COL21A1: variants seen among roughly 807,000 people sequenced by gnomAD.
COL21A1 encodes the protein collagen alpha-1(XXI) chain.
COL21A1 carries 149 observed loss-of-function variants against 137.9 expected under a neutral mutation model. The observed-to-expected ratio is 1.08, with a 90% CI of 0.95 to 1.24. The LOEUF is 1.24. Ranked by LOEUF, COL21A1 falls within the 50% of genes most tolerant of loss-of-function variation. The pLI, the probability that COL21A1 is intolerant of heterozygous loss-of-function variation, is 0.00. For missense variants in COL21A1, 1,167 were observed against 1,158.4 expected (o/e 1.01, Z -0.11); for synonymous variants, 456 against 391.5 (o/e 1.16, Z -1.95).
intron 1 of COL21A1, among the ~76,000 whole-genome samples, chr6:56,228,051 GGA>G (rs1228792774): frequency 6.6e-6 from 1 of 151,914 alleles, no homozygotes; most frequent in African/African-American, 2.4e-5. Flanking sequence ...AACCGCCCAT[GGA>G]GAGTGGGAAA....
chr6:56,129,726 G>A (rs1561897698), intron 12 of COL21A1, among the ~76,000 whole-genome samples: 1 of 150,098 alleles, frequency 6.7e-6, no homozygotes, highest in Non-Finnish European at 1.5e-5. Context: ...GAGAGAGACA[G>A]ACAGACAGAA....
chr6:56,065,561 G>C (rs939271960), intron 23 of COL21A1, among the ~76,000 whole-genome samples: 3 of 152,018 alleles, frequency 2.0e-5, no homozygotes, highest in Non-Finnish European at 4.4e-5. Flanking sequence ...GCATCTGACA[G>C]AAAGGGTAGG....
intron 1 of COL21A1, among the ~76,000 whole-genome samples, chr6:56,269,807 A>G (rs1763481301): frequency 6.6e-6 from 1 of 152,206 alleles, no homozygotes; most frequent in Non-Finnish European, 1.5e-5. Context: ...AATTCCAATC[A>G]AGAATCTCAT....
At chr6:56,303,651 T>C (rs948634499) in intron 1 of COL21A1, among the ~76,000 whole-genome samples, 16 of 152,212 alleles carry the variant, frequency 1.1e-4, no homozygotes, top group Non-Finnish European at 2.4e-4. Context: ...CGGGGTTTTC[T>C]AGATATACAA....
intron 1 of COL21A1, among the ~76,000 whole-genome samples, chr6:56,357,816 GTA>G (rs1251556684): frequency 6.6e-6 from 1 of 152,140 alleles, no homozygotes; most frequent in African/African-American, 2.4e-5. Context: ...TGCAGAAGAG[GTA>G]TCAGTGGCAT....
intron 10 of COL21A1, among the ~76,000 whole-genome samples, chr6:56,142,439 C>A (rs1774486511): frequency 6.6e-6 from 1 of 152,096 alleles, no homozygotes; most frequent in Non-Finnish European, 1.5e-5. Flanking sequence ...CTTTAAATTA[C>A]TCATTTTAGA....
intron 16 of COL21A1, among the ~76,000 whole-genome samples, chr6:56,101,731 G>C (rs957571225): frequency 6.6e-6 from 1 of 150,470 alleles, no homozygotes; most frequent in Non-Finnish European, 1.5e-5. Context: ...ACAAAAATGT[G>C]TACATAATGG....
At chr6:56,169,292 G>C (rs891270910) in intron 5 of COL21A1, among the ~76,000 whole-genome samples, 1 of 151,876 alleles carries the variant, frequency 6.6e-6, no homozygotes, top group Non-Finnish European at 1.5e-5. Flanking sequence ...CTACAGTTCT[G>C]TTAGGGGAGA....
chr6:56,326,604 AAC>A (rs1253039657), intron 1 of COL21A1, among the ~76,000 whole-genome samples: 2 of 152,020 alleles, frequency 1.3e-5, no homozygotes, highest in Non-Finnish European at 2.9e-5. Flanking sequence ...AAATCAAAAT[AAC>A]AGTCATGTTT....
intron 3 of COL21A1, 95 bp from the exon 4 acceptor site, chr6:56,171,223 A>G: frequency 2.8e-6 from 2 of 721,768 alleles, no homozygotes; most frequent in East Asian, 2.7e-5. Flanking sequence ...ATAGTATTCT[A>G]TCATTAGAAT....
intron 9 of COL21A1, among the ~76,000 whole-genome samples, chr6:56,158,721 A>G (rs1356756959): frequency 6.6e-6 from 1 of 152,178 alleles, no homozygotes; most frequent in Non-Finnish European, 1.5e-5. Context: ...AGGAAAAAAA[A>G]TGGAAAGAAC....
intron 1 of COL21A1, among the ~76,000 whole-genome samples, chr6:56,236,724 A>G (rs1005933005): frequency 1.3e-5 from 2 of 152,062 alleles, no homozygotes; most frequent in African/African-American, 2.4e-5. Context: ...AAAATAGTCC[A>G]TCTCACAACT....
chr6:56,112,412 C>A (rs1203910841), intron 16 of COL21A1, among the ~76,000 whole-genome samples: 2 of 152,140 alleles, frequency 1.3e-5, no homozygotes, highest in African/African-American at 4.8e-5. Flanking sequence ...AACCAAAAAT[C>A]AGGTGAGCAC....
intron 1 of COL21A1, among the ~76,000 whole-genome samples, chr6:56,228,794 G>C (rs1219660056): frequency 6.6e-6 from 1 of 151,626 alleles, no homozygotes; most frequent in East Asian, 2.0e-4. Flanking sequence ...AAAACTCCTT[G>C]TATGGAATAA....
At chr6:56,199,589 T>C (rs1042843455) in intron 1 of COL21A1, among the ~76,000 whole-genome samples, 38 of 152,162 alleles carry the variant, frequency 2.5e-4, no homozygotes, top group African/African-American at 8.7e-4. Context: ...ATTCATATTA[T>C]CTGTCATCAA....
chr6:56,090,951 CAA>C, intron 17 of COL21A1, among the ~76,000 whole-genome samples: 4 of 152,112 alleles, frequency 2.6e-5, no homozygotes, highest in African/African-American at 9.6e-5. Flanking sequence ...CAAATCTGTA[CAA>C]AAGACTGAAA....
intron 1 of COL21A1, among the ~76,000 whole-genome samples, chr6:56,262,803 G>A (rs1763308794): frequency 6.6e-6 from 1 of 152,058 alleles, no homozygotes; most frequent in African/African-American, 2.4e-5. Context: ...CCACTATGCA[G>A]CTCCCAGGTC....
chr6:56,174,868 A>G (rs540053315), intron 3 of COL21A1, among the ~76,000 whole-genome samples: 1 of 152,128 alleles, frequency 6.6e-6, no homozygotes, highest in African/African-American at 2.4e-5. Context: ...TAAAACTACA[A>G]GCCAATATCC....
chr6:56,383,057 A>G (rs2094011464), intron 1 of COL21A1, among the ~76,000 whole-genome samples: 1 of 152,202 alleles, frequency 6.6e-6, no homozygotes, highest in Non-Finnish European at 1.5e-5. Flanking sequence ...CCCTTGAAAC[A>G]TTGTCAATAC....
Sources: gnomAD v4.1 joint callset for allele counts (sites outside exome capture counted in the v4.1 genomes callset) on GRCh38, gnomAD v4.1.1 for gene constraint, MANE v1.5 for transcripts, NCBI Gene and HGNC (gene_info 2026-07-23, HGNC 2026-07-21) for gene names.